Variants in ELAVL2 observed in about 807,000 individuals in gnomAD.
The protein encoded by ELAVL2 is ELAV like RNA binding protein 2.
A neutral mutation model predicts 34.6 loss-of-function variants in ELAVL2; 4 were observed. The ratio of observed to expected loss-of-function variants is 0.12; its 90% CI spans 0.06 to 0.26. The LOEUF (loss-of-function observed/expected upper bound fraction) is 0.26, where lower values mean the gene tolerates loss of function less well. ELAVL2 is among the 10% of genes least tolerant of loss of function. The pLI, the probability that ELAVL2 is intolerant of heterozygous loss-of-function variation, is 1.00. For synonymous variants in ELAVL2, 193 were observed against 154.8 expected, an observed-to-expected ratio of 1.25 and a Z score of -1.83; for missense variants, 432 against 442.8, an observed-to-expected ratio of 0.98 and a Z score of 0.22.
At chr9:23,756,784 G>C (rs142651549) in intron 2 of ELAVL2, among the ~76,000 whole-genome samples, 7 of 152,226 alleles carry the variant, frequency 4.6e-5, no homozygotes, top group African/African-American at 1.4e-4. Flanking sequence ...TAGAATTCAG[G>C]TAAACCTGGA....
At chr9:23,817,467 T>C (rs1588798995) in intron 1 of ELAVL2, among the ~76,000 whole-genome samples, 1 of 152,310 alleles carries the variant, frequency 6.6e-6, no homozygotes, top group East Asian at 1.9e-4. Context: ...ATCAATTCAG[T>C]TCACGCATTG....
At chr9:23,759,754 T>TTTTA (rs1279843264) in intron 2 of ELAVL2, among the ~76,000 whole-genome samples, 75 of 81,350 alleles carry the variant, frequency 9.2e-4, no homozygotes, top group East Asian at 1.1e-3. Context: ...ATATATAGTA[T>TTTTA]TATATATATA....
chr9:23,778,290 G>A (rs1201329623), intron 1 of ELAVL2, among the ~76,000 whole-genome samples: 1 of 152,180 alleles, frequency 6.6e-6, no homozygotes, highest in East Asian at 1.9e-4. Context: ...CAACCTCCAG[G>A]CCAAAGTTCG....
chr9:23,742,516 T>C (rs549618280), intron 2 of ELAVL2, among the ~76,000 whole-genome samples: 4 of 152,158 alleles, frequency 2.6e-5, no homozygotes, highest in Admixed American at 6.5e-5. Context: ...GAAGGGAATA[T>C]TGGGTAGCAT....
In ELAVL2 at chr9:23,762,088, G is replaced by T; in HGVS notation, c.147C>A (p.Asn49Lys). 6.2e-7 allele frequency: 1 copy of T among 1,613,458 alleles called. No individual in the cohort carries two copies. The highest frequency in any genetic ancestry group is 8.5e-7 in the Non-Finnish European group (1 of 1,179,600). Residue 49 changes from asparagine (N) to lysine (K), a missense_variant, in exon 2 of 7, where the codon AAC becomes AAA. Around this residue, in one of 3 missense-constraint regions of ELAVL2, gnomAD observed 132 missense variants for 118.3 expected, o/e 1.12. Transcript: ENST00000397312. The stretch of plus-strand genomic sequence containing the variant: ...GACTCTTTAGTTCCTCCTGTGTCAT[G>T]TTCTGAGGAAGGTAGTTGACTATTA... Reference protein sequence around the residue: ...TNLIVNYLPQNMTQEELKSLF... With the variant: ...TNLIVNYLPQKMTQEELKSLF...
intron 2 of ELAVL2, among the ~76,000 whole-genome samples, chr9:23,733,832 TCAC>T (rs965079105): frequency 1.3e-5 from 2 of 152,118 alleles, no homozygotes; most frequent in African/African-American, 4.8e-5. Flanking sequence ...ATTATCATCA[TCAC>T]CACCACCACC....
intron 1 of ELAVL2, among the ~76,000 whole-genome samples, chr9:23,786,214 T>C (rs2042192251): frequency 6.6e-6 from 1 of 152,118 alleles, no homozygotes; most frequent in African/African-American, 2.4e-5. Context: ...GAAAAGCTGT[T>C]TAACATACCA....
chr9:23,772,212 G>C (rs994731448), intron 1 of ELAVL2, among the ~76,000 whole-genome samples: 2 of 152,146 alleles, frequency 1.3e-5, no homozygotes, highest in Non-Finnish European at 2.9e-5. Context: ...GTGAAAGGCT[G>C]ATTGGAAATC....
rs1267442128 is a variant in ELAVL2, at chr9:23,690,413, T to C, written c.*2144A>G. Reference sequence around the variant, plus strand: ...CCTTGAGGGAAACCTTATTATTTTTTTTTAAGTATATACATGTATTTTATT... The same window carrying C: ...CCTTGAGGGAAACCTTATTATTTTTCTTTAAGTATATACATGTATTTTATT... On this transcript the variant is annotated 3_prime_UTR_variant, in exon 7 of 7. Transcript: ENST00000397312. The C allele has an allele frequency of 6.6e-6, 1 of 152,552 alleles. No individual in the cohort carries two copies. Among genetic ancestry groups the C allele is most frequent in the East Asian group, 1.9e-4 (1 of 5,190 alleles). The allele number at this position is 152,552 out of a possible 1,614,324, so 9.4% of individuals were successfully genotyped here. A position where few individuals can be genotyped will look rare whatever the true frequency, so the allele number is the denominator to read the frequency against.
intron 2 of ELAVL2, among the ~76,000 whole-genome samples, chr9:23,748,088 G>A (rs1189625432): frequency 6.6e-6 from 1 of 151,274 alleles, no homozygotes; most frequent in African/African-American, 2.4e-5. Flanking sequence ...AATTGTTCCA[G>A]TGGTCTAAAA....
At position 23,722,834 on chromosome 9, in the gene ELAVL2, C is replaced by T. The variant is rs189305385; in HGVS notation, c.333+8188G>A. Among the ~76,000 whole-genome samples the T allele has an allele frequency of 1.9e-3, 295 of 152,258 alleles. 1 individual carries two copies. Among genetic ancestry groups the T allele is most frequent in the Admixed American group, 5.8e-3 (89 of 15,292 alleles). On this transcript the variant is annotated intron_variant, in intron 3 of 6. Coordinates refer to ENST00000397312, the MANE Select transcript of ELAVL2 (RefSeq NM_004432.5). ...TCAAAACAGTAAAAAGATAATAGTC[C>T]TATGAAATTTGTTTCAAAAGTAGAT...
chr9:23,739,790 C>G (rs1401924750), intron 2 of ELAVL2, among the ~76,000 whole-genome samples: 1 of 151,850 alleles, frequency 6.6e-6, no homozygotes, highest in Non-Finnish European at 1.5e-5. Flanking sequence ...TGCCTGCACA[C>G]ACACACGCAC....
chr9:23,758,166 C>A (rs147717264), intron 2 of ELAVL2, among the ~76,000 whole-genome samples: 4 of 151,948 alleles, frequency 2.6e-5, no homozygotes, highest in Non-Finnish European at 5.9e-5. Context: ...CTGGTCTGTC[C>A]CTAAAATACG....
intron 1 of ELAVL2, among the ~76,000 whole-genome samples, chr9:23,791,275 G>A (rs1047152995): frequency 3.3e-5 from 5 of 152,152 alleles, no homozygotes; most frequent in South Asian, 4.1e-4. Context: ...TTGACCAATC[G>A]TAAAGATGAG....
intron 1 of ELAVL2, among the ~76,000 whole-genome samples, chr9:23,812,657 A>G (rs1388950229): frequency 6.6e-6 from 1 of 152,106 alleles, no homozygotes; most frequent in Non-Finnish European, 1.5e-5. Context: ...AATAAGTTCC[A>G]AATGTACCTA....
chr9:23,848,577 C>G, the ELAVL2 span, among the ~76,000 whole-genome samples: 12 of 151,910 alleles, frequency 7.9e-5, no homozygotes, highest in African/African-American at 2.9e-4. Context: ...GTAGAATAGG[C>G]AAAAAATAAG....
At chr9:23,726,550 CCA>C (rs1462411930) in intron 3 of ELAVL2, among the ~76,000 whole-genome samples, 1 of 151,836 alleles carries the variant, frequency 6.6e-6, no homozygotes, top group Non-Finnish European at 1.5e-5. Context: ...TAAATCAACC[CCA>C]GTTTCAGGAA....
At chr9:23,829,551 G>A (rs1307901732), upstream of ELAVL2, 1 of 152,204 alleles carries the variant, frequency 6.6e-6, no homozygotes, top group Non-Finnish European at 1.5e-5. Flanking sequence ...TTATGTGTTA[G>A]TATGGTGGAG....
At chr9:23,757,996 G>C (rs2053983988) in intron 2 of ELAVL2, among the ~76,000 whole-genome samples, 3 of 152,020 alleles carry the variant, frequency 2.0e-5, no homozygotes, top group Admixed American at 1.3e-4. Flanking sequence ...TTAAGAAAAG[G>C]GAAAAGGAAA....
Sources: gnomAD v4.1 joint callset for allele counts (sites outside exome capture counted in the v4.1 genomes callset) on GRCh38, gnomAD v4.1.1 for gene constraint, gnomAD v4.1.1 regional missense constraint, MANE v1.5 for transcripts, NCBI Gene and HGNC (gene_info 2026-07-23, HGNC 2026-07-21) for gene names.